Variants in NCR1 observed in about 807,000 individuals in gnomAD.
The protein encoded by NCR1 is NK cell-activating receptor.
Under a neutral mutation model 32.5 loss-of-function variants are expected in NCR1, and 30 were observed. The ratio of observed to expected loss-of-function variants is 0.92; its 90% CI spans 0.69 to 1.25. NCR1 has a LOEUF of 1.25. NCR1 is among the 50% of genes most tolerant of loss of function. The pLI, the probability that NCR1 is intolerant of heterozygous loss-of-function variation, is 0.00. For missense variants in NCR1, 369 were observed against 380.7 expected (o/e 0.97, Z 0.26); for synonymous variants, 169 against 143.4 (o/e 1.18, Z -1.28).
downstream of NCR1, among the ~76,000 whole-genome samples, chr19:54,918,395 A>C (rs1299980098): frequency 6.6e-6 from 1 of 151,902 alleles, no homozygotes; most frequent in Non-Finnish European, 1.5e-5. Context: ...TGGCCTCCCA[A>C]AGTGCTGGCA....
chr19:54,932,969 A>G, the NCR1 span, among the ~76,000 whole-genome samples: 96 of 152,256 alleles, frequency 6.3e-4, 1 homozygote, highest in Admixed American at 5.1e-3. Flanking sequence ...GCCCTACCAC[A>G]TAACTCAATC....
At chr19:54,934,808 C>T in the NCR1 span, 16 of 648,820 alleles carry the variant, frequency 2.5e-5, no homozygotes, top group South Asian at 3.3e-4. This position sits in a 1 kb window ranked among gnomAD's most constrained non-coding sequence, Gnocchi z 6.7. Flanking sequence ...CTCCCGGGTT[C>T]AAGCTATTCT....
chr19:54,931,977 G>A, the NCR1 span, among the ~76,000 whole-genome samples: 6 of 152,058 alleles, frequency 3.9e-5, no homozygotes, highest in Non-Finnish European at 7.4e-5. Context: ...TATTTTCTGC[G>A]TGGTTAGATT....
chr19:54,924,414 G>A, the NCR1 span, among the ~76,000 whole-genome samples: 2,100 of 152,216 alleles, frequency 0.014, 97 homozygotes, highest in East Asian at 0.11. Flanking sequence ...CTTGAGCTCC[G>A]CAGTTCAAGG....
chr19:54,903,448 A>G (rs962259737), upstream of NCR1, among the ~76,000 whole-genome samples: 1 of 117,690 alleles, frequency 8.5e-6, no homozygotes, highest in African/African-American at 3.3e-5. Flanking sequence ...ACATGTATGT[A>G]TATACATATA....
chr19:54,920,559 GC>G (rs2068227286), downstream of NCR1, among the ~76,000 whole-genome samples: 2 of 152,176 alleles, frequency 1.3e-5, no homozygotes, highest in Admixed American at 1.3e-4. Flanking sequence ...CAGTGTGGCA[GC>G]TCACGCGTGT....
chr19:54,917,383 C>A (rs1168198526), downstream of NCR1, among the ~76,000 whole-genome samples: 1 of 151,754 alleles, frequency 6.6e-6, no homozygotes, highest in Non-Finnish European at 1.5e-5. Flanking sequence ...GCAGTGGTGC[C>A]ATCTTGGCTC....
chr19:54,936,726 C>T, the NCR1 span, among the ~76,000 whole-genome samples: 8 of 151,896 alleles, frequency 5.3e-5, no homozygotes, highest in African/African-American at 1.9e-4. Context: ...ACCAGCCTGG[C>T]CAACATGGGG....
chr19:54,904,398 A>G (rs989492132), upstream of NCR1, among the ~76,000 whole-genome samples: 3 of 151,954 alleles, frequency 2.0e-5, no homozygotes, highest in African/African-American at 7.2e-5. Context: ...TTATGAGTAT[A>G]TTGCATGATG....
chr19:54,918,515 C>T (rs1020176782), downstream of NCR1, among the ~76,000 whole-genome samples: 2 of 152,016 alleles, frequency 1.3e-5, no homozygotes, highest in African/African-American at 2.4e-5. Context: ...CTCAAGTGAT[C>T]GGCCCGCCTG....
downstream of NCR1, among the ~76,000 whole-genome samples, chr19:54,915,048 AAC>A (rs1158840787): frequency 6.6e-6 from 1 of 151,540 alleles, no homozygotes; most frequent in Non-Finnish European, 1.5e-5. Context: ...CAGCCAAGAC[AAC>A]ACTTTCCTCA....
the NCR1 span, among the ~76,000 whole-genome samples, chr19:54,922,814 A>G: frequency 8.4e-6 from 1 of 118,794 alleles, no homozygotes; most frequent in African/African-American, 3.5e-5. Flanking sequence ...GAAAGAACAG[A>G]GAGACACATA....
upstream of NCR1, among the ~76,000 whole-genome samples, chr19:54,902,846 C>T (rs587753695): frequency 6.9e-4 from 104 of 150,988 alleles, 1 homozygote; most frequent in South Asian, 0.021. Flanking sequence ...AAGAAGGAGG[C>T]GGGCTGGGTG....
chr19:54,903,385 T>TACACTC (rs1569535571), upstream of NCR1, among the ~76,000 whole-genome samples: 1,214 of 138,312 alleles, frequency 8.8e-3, 46 homozygotes, highest in South Asian at 0.019. Flanking sequence ...CATGTATGTA[T>TACACTC]ATACATATAT....
the NCR1 span, among the ~76,000 whole-genome samples, chr19:54,929,743 C>T: frequency 6.6e-6 from 1 of 152,120 alleles, no homozygotes; most frequent in Non-Finnish European, 1.5e-5. Context: ...TTTAGAAGTG[C>T]CCACCCACAT....
At chr19:54,927,848 T>C in the NCR1 span, 1 of 1,383,858 alleles carries the variant, frequency 7.2e-7, no homozygotes, top group East Asian at 2.3e-5. Context: ...TCCCAACACT[T>C]CGGGAGGCCA....
At chr19:54,918,573 T>G (rs1429698276), downstream of NCR1, among the ~76,000 whole-genome samples, 2 of 151,942 alleles carry the variant, frequency 1.3e-5, no homozygotes, top group African/African-American at 4.8e-5. Context: ...CACACTGGCC[T>G]AATGTGTAGT....
At chr19:54,915,672 C>T (rs888042352), downstream of NCR1, 2 of 151,454 alleles carry the variant, frequency 1.3e-5, no homozygotes, top group African/African-American at 4.9e-5. Context: ...ACTGCTGACT[C>T]GCGTATTTTT....
downstream of NCR1, among the ~76,000 whole-genome samples, chr19:54,919,648 G>A (rs1398377739): frequency 1.3e-4 from 20 of 151,464 alleles, no homozygotes; most frequent in East Asian, 2.5e-3. Context: ...GAGCCTGACT[G>A]ATGTCAGGCC....
Sources: allele counts gnomAD v4.1 joint callset (sites outside exome capture counted in the v4.1 genomes callset), GRCh38; gene constraint gnomAD v4.1.1; non-coding constraint Gnocchi (gnomAD v3.1); transcripts MANE v1.5; gene names NCBI Gene and HGNC (gene_info 2026-07-23, HGNC 2026-07-21).